SETDB2: variants seen among roughly 807,000 people sequenced by gnomAD.
SETDB2 encodes SET domain bifurcated histone lysine methyltransferase 2, also known as histone-lysine N-methyltransferase SETDB2.
SETDB2 carries 56 observed loss-of-function variants against 82.5 expected under a neutral mutation model. That is an observed-to-expected ratio of 0.68 (90% CI 0.55 to 0.85). SETDB2 has a LOEUF of 0.85. Among genes scored for constraint, SETDB2 ranks in the 40% least tolerant of loss-of-function variants. The pLI, the probability that SETDB2 is intolerant of heterozygous loss-of-function variation, is 0.00. For missense variants in SETDB2, 677 were observed against 816.4 expected (o/e 0.83, Z 2.08); for synonymous variants, 272 against 284.9 (o/e 0.95, Z 0.46).
rs1958730934 is a variant in SETDB2 at position 49,492,440 on chromosome 13, TGTAA to T, written c.*597_*600del. 1.3e-5 allele frequency: 2 copies of T among 152,942 alleles called. No individual in the cohort carries two copies. Among genetic ancestry groups the T allele is most frequent in the South Asian group, 4.1e-4 (2 of 4,870 alleles). 9.5% of individuals were successfully genotyped at this position (152,942 alleles called of 1,614,324 possible). ...GAGTGGGGAGAGGGAGAAGCTCTTCTGTAAGTAAGATTCTGGCAAGCTCTTTGAA... is the reference window on the plus strand; with the variant it reads ...GAGTGGGGAGAGGGAGAAGCTCTTCTGTAAGATTCTGGCAAGCTCTTTGAA... On this transcript the variant is annotated 3_prime_UTR_variant, in exon 14 of 14. Transcript: ENST00000611815.
chr13:49,480,837 A>G (rs1388977989), intron 7 of SETDB2, 110 bp from the exon 8 acceptor site: 1 of 1,121,842 alleles, frequency 8.9e-7, no homozygotes, highest in Non-Finnish European at 1.3e-6. Flanking sequence ...TCTACCTCTA[A>G]GAGCTTTCAC....
intron 6 of SETDB2, among the ~76,000 whole-genome samples, chr13:49,479,579 A>G (rs537291974): frequency 6.6e-6 from 1 of 152,354 alleles, no homozygotes; most frequent in South Asian, 2.1e-4. Flanking sequence ...ACTAAGATCC[A>G]GAGATTTTAA....
chr13:49,488,715 C>T, intron 12 of SETDB2, 85 bp downstream of exon 12: 1 of 1,128,404 alleles, frequency 8.9e-7, no homozygotes, highest in Non-Finnish European at 1.2e-6. Context: ...AATAAACAGA[C>T]TCTAAAGTCA....
At chr13:49,482,149 G>C in intron 8 of SETDB2, 1 of 985,356 alleles carries the variant, frequency 1.0e-6, no homozygotes, top group Non-Finnish European at 1.2e-6. Flanking sequence ...TGGTTTTATC[G>C]TTGTTGCTGG....
At chr13:49,451,478 C>CATATATATATAT (rs57949515) in intron 1 of SETDB2, 75 bp from the exon 2 acceptor site, 6 of 140,492 alleles carry the variant, frequency 4.3e-5, no homozygotes, top group Non-Finnish European at 7.7e-5. Context: ...CTTATATATA[C>CATATATATATAT]ATATATATAT....
intron 4 of SETDB2, among the ~76,000 whole-genome samples, chr13:49,467,398 CAA>C (rs5803465): frequency 6.6e-6 from 1 of 151,256 alleles, no homozygotes; most frequent in Non-Finnish European, 1.5e-5. Context: ...GACTCTGTCT[CAA>C]AAAAAAAGAA....
Position 49,449,031 on chromosome 13 carries a change from G to A in SETDB2, c.-341-2522G>A, listed in dbSNP as rs79970174. 7.9e-3 allele frequency among the ~76,000 whole-genome samples: 1,204 copies of A among 152,240 alleles called. 6 individuals carry two copies. The highest frequency in any genetic ancestry group is 0.012 in the Non-Finnish European group (843 of 68,000). On this transcript the variant is annotated intron_variant, in intron 1 of 13. Coordinates refer to ENST00000611815, the MANE Select transcript of SETDB2 (RefSeq NM_001160308.3). Reference sequence around the variant, plus strand: ...TGATACGTTTCTTCTTATAATTGCAGATGTCTTTTTCCAGTCTCTTCGTTT... The same window carrying A: ...TGATACGTTTCTTCTTATAATTGCAAATGTCTTTTTCCAGTCTCTTCGTTT...
intron 4 of SETDB2, among the ~76,000 whole-genome samples, chr13:49,463,259 C>T (rs1199879510): frequency 6.6e-6 from 1 of 152,142 alleles, no homozygotes; most frequent in Admixed American, 6.5e-5. Flanking sequence ...AAACTGCCTG[C>T]CTCGGCCTCC....
At chr13:49,463,131 G>A (rs893608173) in intron 4 of SETDB2, among the ~76,000 whole-genome samples, 10 of 151,562 alleles carry the variant, frequency 6.6e-5, no homozygotes, top group Non-Finnish European at 7.4e-5. Context: ...CCAGCCTCCC[G>A]AGTAGCTGGG....
At chr13:49,479,519 A>G (rs1333316662) in intron 6 of SETDB2, among the ~76,000 whole-genome samples, 1 of 152,206 alleles carries the variant, frequency 6.6e-6, no homozygotes, top group Non-Finnish European at 1.5e-5. Flanking sequence ...GAAAATACAG[A>G]AGAGAATCAT....
intron 1 of SETDB2, among the ~76,000 whole-genome samples, chr13:49,450,243 A>G (rs1032481359): frequency 1.3e-5 from 2 of 151,982 alleles, no homozygotes; most frequent in Admixed American, 1.3e-4. Context: ...ATTCTTGCTC[A>G]TTATTGCCTC....
chr13:49,479,747 T>C (rs1958442620), intron 6 of SETDB2, among the ~76,000 whole-genome samples: 1 of 152,098 alleles, frequency 6.6e-6, no homozygotes, highest in African/African-American at 2.4e-5. Context: ...CTCGCAACAG[T>C]ATGAAAAAAG....
chr13:49,477,042 G>A lies in SETDB2; in HGVS notation c.869+3G>A. ...TGCTCTGAGGGCTGCATAGACATGT[G>A]AGTAGAAAAACATGGCGTTTCAAAA... On this transcript the variant is annotated splice_donor_region_variant and intron_variant, in intron 6 of 13. Coordinates refer to ENST00000611815, the MANE Select transcript of SETDB2 (RefSeq NM_001160308.3). The A allele has an allele frequency of 6.4e-7, 1 of 1,560,658 alleles. No homozygotes were observed. The highest frequency in any genetic ancestry group is 1.2e-5 in the South Asian group (1 of 84,232).
intron 10 of SETDB2, among the ~76,000 whole-genome samples, chr13:49,483,769 A>C (rs1471443513): frequency 6.6e-6 from 1 of 151,714 alleles, no homozygotes; most frequent in African/African-American, 2.4e-5. Context: ...CTGGGACTAC[A>C]GGTGCACACC....
chr13:49,446,717 A>G (rs985720908), intron 1 of SETDB2, among the ~76,000 whole-genome samples: 2 of 151,942 alleles, frequency 1.3e-5, no homozygotes, highest in African/African-American at 4.8e-5. Context: ...TGTCTCTTTT[A>G]TTGGTCTTGT....
chr13:49,483,659 C>T (rs565732394), intron 10 of SETDB2, 96 bp downstream of exon 10: 4 of 440,826 alleles, frequency 9.1e-6, no homozygotes, highest in South Asian at 7.6e-5. Flanking sequence ...CGCAGAGTCT[C>T]ACTCTGTCAC....
In SETDB2 at chr13:49,476,536, A is replaced by G; in HGVS notation, c.366A>G (p.Lys122=). The G allele has an allele frequency of 6.2e-7, 1 of 1,613,292 alleles. No individual in the cohort carries two copies. The highest frequency in any genetic ancestry group is 8.5e-7 in the Non-Finnish European group (1 of 1,179,580). ...LEDKVVDFRE[K]DSSSNLSYQS... ...ATAAAGTTGTAGACTTTAGAGAAAAAGACTCATCTTCGAATTTATCTTACC... is the reference window on the plus strand; with the variant it reads ...ATAAAGTTGTAGACTTTAGAGAAAAGGACTCATCTTCGAATTTATCTTACC... Residue 122 remains lysine, a synonymous_variant, in exon 6 of 14, where the codon AAA becomes AAG. Coordinates refer to ENST00000611815, the MANE Select transcript of SETDB2 (RefSeq NM_001160308.3).
At chr13:49,477,618 A>T (rs1958395838) in intron 6 of SETDB2, among the ~76,000 whole-genome samples, 1 of 152,190 alleles carries the variant, frequency 6.6e-6, no homozygotes, top group Non-Finnish European at 1.5e-5. Context: ...ATTACAACAA[A>T]TGATATTTAA....
At position 49,476,842 on chromosome 13, in the gene SETDB2, G is replaced by A; in HGVS notation, c.672G>A (p.Lys224=). The A allele has an allele frequency of 6.2e-7, 1 of 1,613,882 alleles. No homozygotes were observed. The highest frequency in any genetic ancestry group is 8.5e-7 in the Non-Finnish European group (1 of 1,179,964). ...TTCAGTTGGCTCGGAATTACCCAAA[G>A]CAAAAAGAAGTTGTTTCTGATGTGG... ...TYVQLARNYP[K]QKEVVSDVDI... Residue 224 remains lysine, a synonymous_variant, in exon 6 of 14, where the codon AAG becomes AAA. Transcript: ENST00000611815.
Sources: gnomAD v4.1 joint callset for allele counts (sites outside exome capture counted in the v4.1 genomes callset) on GRCh38, gnomAD v4.1.1 for gene constraint, MANE v1.5 for transcripts, NCBI Gene and HGNC (gene_info 2026-07-23, HGNC 2026-07-21) for gene names.